Variants in NKTR observed in about 807,000 individuals in gnomAD.
NKTR encodes the protein natural killer cell triggering receptor.
NKTR carries 67 observed loss-of-function variants against 156.3 expected under a neutral mutation model. The ratio of observed to expected loss-of-function variants is 0.43; its 90% confidence interval spans 0.35 to 0.53. The LOEUF (loss-of-function observed/expected upper bound fraction) is 0.53, where lower values mean the gene tolerates loss of function less well. Ranked by LOEUF, NKTR falls within the 20% of genes least tolerant of loss-of-function variation. The pLI is 0.01. For synonymous variants in NKTR, 640 were observed against 596.6 expected, an observed-to-expected ratio of 1.07 and a Z score of -1.06; for missense variants, 1,604 against 1,730.9, an observed-to-expected ratio of 0.93 and a Z score of 1.30.
At chr3:42,610,397 A>G (rs994084758) in intron 2 of NKTR, among the ~76,000 whole-genome samples, 1 of 152,240 alleles carries the variant, frequency 6.6e-6, no homozygotes, top group African/African-American at 2.4e-5. Context: ...AATTAATGCT[A>G]CAGGAGTGTT....
intron 8 of NKTR, 136 bp from the exon 9 acceptor site, chr3:42,632,465 G>T: frequency 5.1e-6 from 3 of 593,200 alleles, no homozygotes; most frequent in Non-Finnish European, 8.9e-6. Context: ...TTATAAACTT[G>T]AAAAAAACTG....
chr3:42,630,653 C>T lies in NKTR; in HGVS notation c.404+78C>T, dbSNP rs1407508636. ...AAGAGAGATTGGACCATGGTTGAGC[C>T]CTCAAGGGAGCGCTCTTGATGTCTG... On this transcript the variant is annotated intron_variant, in intron 7 of 16. Coordinates refer to ENST00000232978, the MANE Select transcript of NKTR (RefSeq NM_005385.4). 4.4e-6 allele frequency: 7 copies of T among 1,598,230 alleles called. No homozygotes were observed. In the East Asian group the frequency reaches 1.3e-4, roughly 31 times the overall value.
rs777612852 is a variant in NKTR at position 42,635,389 on chromosome 3, C to T, written c.1163+23C>T. ...TAAGTAAGAACTTTGAGTATAAGCACAATCCTGTGTCTGTTATATTTTAAA... is the reference window on the plus strand; with the variant it reads ...TAAGTAAGAACTTTGAGTATAAGCATAATCCTGTGTCTGTTATATTTTAAA... On this transcript the variant is annotated intron_variant, in intron 12 of 16. Coordinates refer to ENST00000232978, the MANE Select transcript of NKTR (RefSeq NM_005385.4). 3.2e-6 allele frequency: 5 copies of T among 1,576,728 alleles called. No homozygotes were observed. In the African/African-American group the frequency reaches 6.8e-5, roughly 22 times the overall value.
chr3:42,639,744 C>T lies in NKTR; in HGVS notation c.4040C>T (p.Ser1347Phe), dbSNP rs1709716808. 1 of 1,597,516 alleles carries T rather than the reference C, an allele frequency of 6.3e-7. No homozygotes were observed. The highest frequency in any genetic ancestry group is 1.7e-5 in the Admixed American group (1 of 58,138). ...SRSRSRSSTS[S>F]YRSRSYSRSR... ...AGTCGATCGAGAAGTTCCACATCAT[C>T]TTATCGGTGAGCAATATTCTCTTTC... Residue 1347 changes from serine (S) to phenylalanine (F), a missense_variant, in exon 13 of 17, where the codon TCT (serine) becomes TTT (phenylalanine). Physicochemically the swap from Ser to Phe is radical, Grantham distance 155. Around this residue, in one of 6 missense-constraint regions of NKTR, gnomAD observed 193 missense variants for 220.2 expected, o/e 0.88. Coordinates refer to ENST00000232978, the MANE Select transcript of NKTR (RefSeq NM_005385.4).
At chr3:42,643,433 A>T in intron 15 of NKTR, 38 bp downstream of exon 15, 1 of 1,513,940 alleles carries the variant, frequency 6.6e-7, no homozygotes, top group Non-Finnish European at 9.2e-7. Flanking sequence ...GTGGGGCAGA[A>T]CTGAAAGATC....
At chr3:42,620,659 G>C in intron 5 of NKTR, 2 of 983,724 alleles carry the variant, frequency 2.0e-6, no homozygotes, top group Non-Finnish European at 2.4e-6. Context: ...TAGTTTTCAA[G>C]GATATTCCTG....
At position 42,635,341 on chromosome 3, in the gene NKTR, G is replaced by A; in HGVS notation, c.1138G>A (p.Gly380Arg). 2 of 1,610,796 alleles carry A rather than the reference G, an allele frequency of 1.2e-6. No homozygotes were observed. The highest frequency in any genetic ancestry group is 8.5e-7 in the Non-Finnish European group (1 of 1,178,654). Residue 380 changes from glycine to arginine, a missense_variant, in exon 12 of 17, where the codon GGA becomes AGA. Around this residue, in one of 6 missense-constraint regions of NKTR, gnomAD observed 1,255 missense variants for 1,243.7 expected, o/e 1.01. Coordinates refer to ENST00000232978, the MANE Select transcript of NKTR (RefSeq NM_005385.4). ...QRLRAYRPPS[G>R]EKWSKGDKLS... The stretch of plus-strand genomic sequence containing the variant: ...ATTAAGAGCATATAGACCACCTAGT[G>A]GAGAAAAATGGAGTAAAGGAGATAA...
chr3:42,621,921 A>G (rs2125787168), intron 6 of NKTR, among the ~76,000 whole-genome samples: 1 of 152,084 alleles, frequency 6.6e-6, no homozygotes, highest in Middle Eastern at 3.4e-3. Flanking sequence ...CAGTTTGAGT[A>G]AACCATTGCA....
At chr3:42,607,508 C>CAAAA (rs1001449372) in intron 2 of NKTR, among the ~76,000 whole-genome samples, 1 of 132,254 alleles carries the variant, frequency 7.6e-6, no homozygotes. Context: ...TAATGGGGTG[C>CAAAA]AAAAAAAAAA....
At chr3:42,633,852 T>C (rs931241046) in intron 10 of NKTR, 117 bp downstream of exon 10, 2 of 1,123,162 alleles carry the variant, frequency 1.8e-6, no homozygotes, top group Middle Eastern at 2.4e-4. Context: ...CATTGAAAGA[T>C]AGTATGGGAG....
chr3:42,629,981 G>GCTTC, intron 6 of NKTR: 1 of 985,410 alleles, frequency 1.0e-6, no homozygotes, highest in Non-Finnish European at 1.2e-6. Context: ...CCGTGTCAGA[G>GCTTC]CTTCACCTTG....
At chr3:42,619,397 T>G in intron 4 of NKTR, 3 of 1,218,970 alleles carry the variant, frequency 2.5e-6, no homozygotes, top group Non-Finnish European at 3.2e-6. Context: ...AAGTACTGTC[T>G]GATTGCTTTT....
chr3:42,631,427 C>T (rs1577532114), intron 8 of NKTR, 111 bp downstream of exon 8: 1 of 1,213,804 alleles, frequency 8.2e-7, no homozygotes, highest in Non-Finnish European at 1.1e-6. Flanking sequence ...CCCTTGGTGC[C>T]CCTGAATCAT....
intron 2 of NKTR, among the ~76,000 whole-genome samples, chr3:42,616,111 C>T (rs1707343233): frequency 6.6e-6 from 1 of 152,154 alleles, no homozygotes; most frequent in Non-Finnish European, 1.5e-5. Flanking sequence ...TTGTTTCCTC[C>T]TCACAGGAAC....
chr3:42,612,516 C>T (rs1207102701), intron 2 of NKTR: 2 of 152,122 alleles, frequency 1.3e-5, no homozygotes, highest in East Asian at 1.9e-4. Flanking sequence ...GGCCTCATTT[C>T]CTTTTATTTT....
At chr3:42,602,353 C>G (rs149788282) in intron 2 of NKTR, 3 of 152,062 alleles carry the variant, frequency 2.0e-5, no homozygotes, top group Admixed American at 1.3e-4. Context: ...TAAATACATT[C>G]CATGATGTTC....
At chr3:42,629,956 G>A (rs1708741336) in intron 6 of NKTR, 20 of 985,218 alleles carry the variant, frequency 2.0e-5, no homozygotes, top group Non-Finnish European at 2.4e-5. Flanking sequence ...TCTCCCTATC[G>A]CATTTTCAGA....
At chr3:42,645,556 C>T (rs1710288393) in intron 16 of NKTR, among the ~76,000 whole-genome samples, 1 of 152,082 alleles carries the variant, frequency 6.6e-6, no homozygotes, top group African/African-American at 2.4e-5. Context: ...TGGTGGCGGG[C>T]ACCTGTAATT....
At chr3:42,620,926 T>C (rs1409477278) in intron 5 of NKTR, 12 of 904,404 alleles carry the variant, frequency 1.3e-5, no homozygotes, top group Non-Finnish European at 1.6e-5. Flanking sequence ...AATTTAGATA[T>C]GTTCCTGTAA....
Sources: gnomAD v4.1 joint callset for allele counts (sites outside exome capture counted in the v4.1 genomes callset) on GRCh38, gnomAD v4.1.1 for gene constraint, gnomAD v4.1.1 regional missense constraint, MANE v1.5 for transcripts, NCBI Gene and HGNC (gene_info 2026-07-23, HGNC 2026-07-21) for gene names.